The following HDAC9 variants were observed in gnomAD, a reference collection of about 807,000 sequenced individuals.
The protein encoded by HDAC9 is MEF-2 interacting transcription repressor (MITR) protein.
HDAC9 carries 41 observed loss-of-function variants against 139.4 expected under a neutral mutation model. The ratio of observed to expected loss-of-function variants is 0.29; its 90% confidence interval spans 0.23 to 0.38. HDAC9 has a LOEUF of 0.38. HDAC9 is among the 10% of genes least tolerant of loss of function. The pLI is 1.00. For synonymous variants in HDAC9, 517 were observed against 476.2 expected (o/e 1.09, Z -1.12); for missense variants, 1,147 against 1,297.0 (o/e 0.88, Z 1.78).
intron 2 of HDAC9, among the ~76,000 whole-genome samples, chr7:18,226,205 A>G (rs1314582166): frequency 6.6e-6 from 1 of 152,208 alleles, no homozygotes; most frequent in Admixed American, 6.5e-5. Flanking sequence ...CCACCTTTAG[A>G]CTGCTATAGC....
intron 23 of HDAC9, among the ~76,000 whole-genome samples, chr7:18,953,123 A>G: frequency 6.6e-6 from 1 of 152,068 alleles, no homozygotes; most frequent in Non-Finnish European, 1.5e-5. Flanking sequence ...AGATGAAGAG[A>G]CATAGATGAG....
intron 21 of HDAC9, among the ~76,000 whole-genome samples, chr7:18,870,314 A>G (rs192498158): frequency 7.0e-4 from 106 of 152,234 alleles, no homozygotes; most frequent in African/African-American, 2.5e-3. Context: ...GCAAGTCCTT[A>G]ATCTTCCCTT....
At chr7:18,526,538 A>G (rs1266406719) in intron 2 of HDAC9, among the ~76,000 whole-genome samples, 2 of 152,194 alleles carry the variant, frequency 1.3e-5, no homozygotes, top group Admixed American at 6.5e-5. Context: ...GTTCTTGTCA[A>G]TGTGTCACCA....
chr7:18,277,429 C>G (rs1267559867), intron 2 of HDAC9, among the ~76,000 whole-genome samples: 1 of 152,022 alleles, frequency 6.6e-6, no homozygotes, highest in Admixed American at 6.6e-5. Context: ...AAGGTTTTGG[C>G]CTGTTGAAAG....
At chr7:18,528,263 T>C (rs1807597686) in intron 2 of HDAC9, among the ~76,000 whole-genome samples, 1 of 151,996 alleles carries the variant, frequency 6.6e-6, no homozygotes. Flanking sequence ...ATTTTTTTTT[T>C]TTTAAATTAG....
chr7:18,969,355 C>T (rs1390304917), intron 24 of HDAC9, among the ~76,000 whole-genome samples: 2 of 152,108 alleles, frequency 1.3e-5, no homozygotes, highest in Non-Finnish European at 2.9e-5. Flanking sequence ...TACATTTTAG[C>T]CATCCTAACA....
chr7:18,591,454 A>G, intron 4 of HDAC9, 62 bp from the exon 5 acceptor site: 2 of 1,483,562 alleles, frequency 1.3e-6, no homozygotes, highest in African/African-American at 1.5e-5. Flanking sequence ...ACTCACCATC[A>G]ACATCTGTTT....
At chr7:18,914,352 C>A (rs964932341) in intron 22 of HDAC9, among the ~76,000 whole-genome samples, 2 of 151,748 alleles carry the variant, frequency 1.3e-5, no homozygotes, top group Non-Finnish European at 2.9e-5. Context: ...GCTATTCATT[C>A]GTTTCAGGTT....
rs547057493 is a variant in HDAC9 at position 18,804,736 on chromosome 7, C to G, written c.2322+11284C>G. 3.6e-4 allele frequency among the ~76,000 whole-genome samples: 55 copies of G among 152,262 alleles called. 1 individual carries two copies. Among genetic ancestry groups the G allele is most frequent in the African/African-American group, 1.3e-3 (54 of 41,544 alleles). ...CCAAAGAAGACTGCAATTATCTTACCTAATCCAGTTCACATTACAAAAGAC... is the reference window on the plus strand; with the variant it reads ...CCAAAGAAGACTGCAATTATCTTACGTAATCCAGTTCACATTACAAAAGAC... On this transcript the variant is annotated intron_variant, in intron 17 of 25. Transcript: ENST00000686413.
chr7:18,773,056 A>ATTAAGCATCATTAAGC (rs1161993603), intron 16 of HDAC9, among the ~76,000 whole-genome samples: 1 of 151,994 alleles, frequency 6.6e-6, no homozygotes. Context: ...TTAAGCATCT[A>ATTAAGCATCATTAAGC]ATGTCCATTG....
intron 1 of HDAC9, among the ~76,000 whole-genome samples, chr7:18,335,667 T>C (rs1243257081): frequency 2.6e-5 from 4 of 151,614 alleles, no homozygotes; most frequent in African/African-American, 9.7e-5. Flanking sequence ...GGGTAAATGC[T>C]GAGCTACTGT....
intron 1 of HDAC9, among the ~76,000 whole-genome samples, chr7:18,346,345 T>C (rs1782416920): frequency 6.6e-6 from 1 of 152,302 alleles, no homozygotes; most frequent in African/African-American, 2.4e-5. Flanking sequence ...TCACTCATTG[T>C]CATTACATCT....
chr7:18,091,317 A>G (rs1467022547), intron 1 of HDAC9, among the ~76,000 whole-genome samples: 1 of 152,214 alleles, frequency 6.6e-6, no homozygotes, highest in Non-Finnish European at 1.5e-5. Context: ...GAGAGAGTAT[A>G]ACGTGTTTCT....
At chr7:18,163,387 A>T (rs1787787577) in intron 2 of HDAC9, among the ~76,000 whole-genome samples, 2 of 152,230 alleles carry the variant, frequency 1.3e-5, no homozygotes, top group Admixed American at 6.5e-5. Context: ...TATGCCTGTT[A>T]GCTCTGAGTC....
At chr7:18,141,640 A>G (rs375528796) in intron 1 of HDAC9, among the ~76,000 whole-genome samples, 38 of 152,196 alleles carry the variant, frequency 2.5e-4, no homozygotes, top group African/African-American at 8.7e-4. Flanking sequence ...TTCTGATGCA[A>G]TGTCCGTGGG....
chr7:18,451,201 C>T (rs1792787948), intron 1 of HDAC9, among the ~76,000 whole-genome samples: 1 of 152,056 alleles, frequency 6.6e-6, no homozygotes, highest in Admixed American at 6.6e-5. Context: ...GAGAAAGCAT[C>T]GTCCATGAGG....
At chr7:18,224,846 G>A (rs1792947026) in intron 2 of HDAC9, among the ~76,000 whole-genome samples, 1 of 151,976 alleles carries the variant, frequency 6.6e-6, no homozygotes, top group Non-Finnish European at 1.5e-5. Context: ...ATAAAGAGGA[G>A]GTAAATAAGA....
intron 1 of HDAC9, among the ~76,000 whole-genome samples, chr7:18,461,892 A>G (rs1232801208): frequency 2.0e-5 from 3 of 152,164 alleles, no homozygotes; most frequent in African/African-American, 7.2e-5. Flanking sequence ...CATCTTATGT[A>G]CCAGACATTC....
intron 22 of HDAC9, among the ~76,000 whole-genome samples, chr7:18,894,862 T>C (rs75077907): frequency 0.044 from 6,646 of 152,146 alleles, 353 homozygotes; most frequent in African/African-American, 0.12. Context: ...TGGGCTTAGA[T>C]ACAGGAGAAT....
Sources: gnomAD v4.1 joint callset for allele counts (sites outside exome capture counted in the v4.1 genomes callset) on GRCh38, gnomAD v4.1.1 for gene constraint, MANE v1.5 for transcripts, NCBI Gene and HGNC (gene_info 2026-07-23, HGNC 2026-07-21) for gene names.